PPP2R2B: variants seen among roughly 807,000 people sequenced by gnomAD.
The protein encoded by PPP2R2B is serine/threonine-protein phosphatase 2A 55 kDa regulatory subunit B beta isoform.
PPP2R2B carries 5 observed loss-of-function variants against 46.0 expected under a neutral mutation model. That is an observed-to-expected ratio of 0.11 (90% confidence interval 0.06 to 0.23). The LOEUF is 0.23. PPP2R2B is among the 10% of genes least tolerant of loss of function. PPP2R2B has a pLI of 1.00. For missense variants in PPP2R2B, 367 were observed against 575.0 expected, an observed-to-expected ratio of 0.64 and a Z score of 3.70; for synonymous variants, 215 against 206.7, an observed-to-expected ratio of 1.04 and a Z score of -0.34.
At chr5:146,947,716 A>C (rs1401986679) in intron 1 of PPP2R2B, among the ~76,000 whole-genome samples, 1 of 151,778 alleles carries the variant, frequency 6.6e-6, no homozygotes, top group Non-Finnish European at 1.5e-5. Flanking sequence ...TAACGGCCAT[A>C]TGCACCTTTC....
At chr5:147,022,820 A>G (rs1755346627) in intron 1 of PPP2R2B, among the ~76,000 whole-genome samples, 1 of 152,100 alleles carries the variant, frequency 6.6e-6, no homozygotes, top group South Asian at 2.1e-4. Flanking sequence ...GTGTTGAAAA[A>G]AGGAAAAACA....
intron 2 of PPP2R2B, among the ~76,000 whole-genome samples, chr5:146,833,769 C>G (rs1343545981): frequency 2.0e-5 from 3 of 151,164 alleles, no homozygotes; most frequent in African/African-American, 7.3e-5. Context: ...CCACCCCCAG[C>G]TGCACAGCTG....
chr5:146,648,168 T>G (rs1775711235), intron 6 of PPP2R2B, among the ~76,000 whole-genome samples: 1 of 152,242 alleles, frequency 6.6e-6, no homozygotes, highest in Admixed American at 6.5e-5. Context: ...AATGCATACT[T>G]TTTTAGGGCA....
intron 2 of PPP2R2B, among the ~76,000 whole-genome samples, chr5:146,844,825 T>C (rs185597649): frequency 3.3e-4 from 51 of 152,334 alleles, no homozygotes; most frequent in African/African-American, 1.1e-3. Flanking sequence ...ACCTGTGAGG[T>C]TGCAGAACTT....
intron 2 of PPP2R2B, among the ~76,000 whole-genome samples, chr5:146,802,879 T>C (rs911116831): frequency 3.3e-5 from 5 of 152,200 alleles, no homozygotes; most frequent in African/African-American, 1.2e-4. Context: ...CCCACAGGAC[T>C]TCTGGGGAAT....
chr5:147,025,901 T>C (rs1455263326), intron 1 of PPP2R2B, among the ~76,000 whole-genome samples: 3 of 152,092 alleles, frequency 2.0e-5, no homozygotes, highest in Non-Finnish European at 4.4e-5. Context: ...TTAGTCATTA[T>C]GGAAATATAA....
chr5:146,879,722 ATTG>A (rs1262982691), upstream of PPP2R2B, among the ~76,000 whole-genome samples: 5 of 152,206 alleles, frequency 3.3e-5, no homozygotes, highest in Non-Finnish European at 5.9e-5. Flanking sequence ...TGAGATTACT[ATTG>A]TTATGAAACA....
chr5:146,752,909 A>G (rs1753639211), intron 2 of PPP2R2B, among the ~76,000 whole-genome samples: 1 of 152,204 alleles, frequency 6.6e-6, no homozygotes, highest in Non-Finnish European at 1.5e-5. Flanking sequence ...TTATCTGGGG[A>G]TCTGATCACT....
At chr5:147,027,707 G>T (rs1755597245) in intron 1 of PPP2R2B, among the ~76,000 whole-genome samples, 1 of 151,588 alleles carries the variant, frequency 6.6e-6, no homozygotes, top group Admixed American at 6.6e-5. Flanking sequence ...TAATCTTTTT[G>T]GGATGATTGA....
intron 2 of PPP2R2B, among the ~76,000 whole-genome samples, chr5:146,729,367 C>A (rs1456676252): frequency 1.3e-5 from 2 of 152,168 alleles, no homozygotes; most frequent in Non-Finnish European, 1.5e-5. Context: ...AAAAGGGAAA[C>A]AGAGCATAAA....
intron 2 of PPP2R2B, among the ~76,000 whole-genome samples, chr5:146,857,713 GT>G (rs1554146902): frequency 6.7e-6 from 1 of 149,922 alleles, no homozygotes; most frequent in Non-Finnish European, 1.5e-5. Context: ...TTGAGATGGA[GT>G]TTTGCTCTTG....
intron 2 of PPP2R2B, among the ~76,000 whole-genome samples, chr5:146,810,110 C>T (rs1201904836): frequency 6.6e-6 from 1 of 152,138 alleles, no homozygotes; most frequent in Non-Finnish European, 1.5e-5. Flanking sequence ...GCAAGCCTGA[C>T]AATTAGCCTT....
chr5:146,968,850 A>G (rs1014504159), intron 1 of PPP2R2B, among the ~76,000 whole-genome samples: 3 of 152,258 alleles, frequency 2.0e-5, no homozygotes, highest in African/African-American at 4.8e-5. Context: ...ATATCATCTC[A>G]AAAGTATAGA....
At chr5:146,673,648 C>CT (rs1777517179) in intron 5 of PPP2R2B, among the ~76,000 whole-genome samples, 2 of 152,012 alleles carry the variant, frequency 1.3e-5, no homozygotes, top group Admixed American at 6.5e-5. Context: ...AGACCCTTGA[C>CT]TTTAACAGCT....
chr5:146,659,247 G>A (rs1465170899), intron 5 of PPP2R2B, among the ~76,000 whole-genome samples: 3 of 152,134 alleles, frequency 2.0e-5, no homozygotes, highest in African/African-American at 4.8e-5. Flanking sequence ...AACTGCCAAT[G>A]TTTAAAATAC....
intron 2 of PPP2R2B, among the ~76,000 whole-genome samples, chr5:147,061,579 A>G (rs1757259410): frequency 6.6e-6 from 1 of 152,222 alleles, no homozygotes; most frequent in Non-Finnish European, 1.5e-5. Flanking sequence ...GACCTAGCAG[A>G]GCAGTCAGGA....
chr5:146,745,241 A>T (rs1352831616), intron 2 of PPP2R2B, among the ~76,000 whole-genome samples: 1 of 151,262 alleles, frequency 6.6e-6, no homozygotes, highest in Admixed American at 6.6e-5. Flanking sequence ...TGTGAAGAAC[A>T]CTGGGTCAGC....
intron 4 of PPP2R2B, among the ~76,000 whole-genome samples, chr5:146,692,493 G>C (rs1778914116): frequency 6.6e-6 from 1 of 151,150 alleles, no homozygotes; most frequent in South Asian, 2.1e-4. Context: ...TGTGGAGCTG[G>C]AATGGCGTGC....
chr5:147,035,562 A>G (rs1755998533), intron 1 of PPP2R2B, among the ~76,000 whole-genome samples: 1 of 152,194 alleles, frequency 6.6e-6, no homozygotes, highest in Non-Finnish European at 1.5e-5. Context: ...AATCAGAAAG[A>G]CTGACTTTGC....
Sources: gnomAD v4.1 joint callset for allele counts (sites outside exome capture counted in the v4.1 genomes callset) on GRCh38, gnomAD v4.1.1 for gene constraint, MANE v1.5 for transcripts, NCBI Gene and HGNC (gene_info 2026-07-23, HGNC 2026-07-21) for gene names.